The following RYR3 variants were observed in gnomAD, a reference collection of about 807,000 sequenced individuals.
RYR3 encodes the protein ryanodine receptor 3, also known as brain ryanodine receptor-calcium release channel.
A neutral mutation model predicts 584.3 loss-of-function variants in RYR3; 207 were observed. The observed-to-expected ratio is 0.35, with a 90% confidence interval of 0.32 to 0.40. The LOEUF (loss-of-function observed/expected upper bound fraction) is 0.40, where lower values mean the gene tolerates loss of function less well. Among genes scored for constraint, RYR3 ranks in the 10% least tolerant of loss-of-function variants. The probability of loss-of-function intolerance (pLI) is 1.00; values close to 1 mark genes in which losing one functional copy is unlikely to be tolerated. For synonymous variants in RYR3, 2,416 were observed against 2,248.5 expected, an observed-to-expected ratio of 1.07 and a Z score of -2.11; for missense variants, 5,616 against 6,089.2, an observed-to-expected ratio of 0.92 and a Z score of 2.59.
rs200913989 is a variant in RYR3 at position 33,699,270 on chromosome 15, CT to C, written c.6250-433del. ...TCTCTCTCTCCCCCCCTTTCTCTCTCTCCCCCCTCCTCACTCTCTCCTCTTT... is the reference window on the plus strand; with the variant it reads ...TCTCTCTCTCCCCCCCTTTCTCTCTCCCCCCCTCCTCACTCTCTCCTCTTT... On this transcript the variant is annotated intron_variant, in intron 40 of 103. Coordinates refer to ENST00000634891, the MANE Select transcript of RYR3 (RefSeq NM_001036.6). Among the ~76,000 whole-genome samples, 739 of 114,882 alleles carry C rather than the reference CT, an allele frequency of 6.4e-3. 6 individuals are homozygous for C. Among genetic ancestry groups the C allele is most frequent in the African/African-American group, 0.022 (680 of 30,288 alleles). 75.4% of individuals were successfully genotyped at this position (114,882 alleles called of 152,430 possible). A position where few individuals can be genotyped will look rare whatever the true frequency, so the allele number is the denominator to read the frequency against.
intron 1 of RYR3, among the ~76,000 whole-genome samples, chr15:33,395,175 A>G (rs919252538): frequency 1.3e-5 from 2 of 152,324 alleles, no homozygotes; most frequent in Admixed American, 6.5e-5. Flanking sequence ...TTAAAATTTG[A>G]TTGTGGAAAA....
At chr15:33,538,930 G>A (rs968889207) in intron 5 of RYR3, among the ~76,000 whole-genome samples, 5 of 151,784 alleles carry the variant, frequency 3.3e-5, no homozygotes, top group African/African-American at 1.2e-4. Flanking sequence ...CTTAGGACAG[G>A]GGGAGACAAA....
In RYR3 at chr15:33,744,427, C is replaced by T. The variant is rs76683990; in HGVS notation, c.7900-1641C>T. On this transcript the variant is annotated intron_variant, in intron 52 of 103. Transcript: ENST00000634891. ...ATACATGCTGCTCACCAGTACCAGG[C>T]GGCGCTGATTATCTCACAAGAAAAA... Among the ~76,000 whole-genome samples the T allele has an allele frequency of 2.0e-3, 299 of 152,262 alleles. 1 individual carries two copies. In the Middle Eastern group the frequency reaches 0.02, roughly 10 times the overall value.
intron 1 of RYR3, among the ~76,000 whole-genome samples, chr15:33,441,135 T>TCTAG (rs1343398755): frequency 6.6e-6 from 1 of 152,210 alleles, no homozygotes; most frequent in African/African-American, 2.4e-5. Context: ...TTGCCATCAT[T>TCTAG]CTAGGCAGGC....
intron 1 of RYR3, among the ~76,000 whole-genome samples, chr15:33,362,422 G>T (rs1004608838): frequency 7.2e-5 from 11 of 152,060 alleles, no homozygotes; most frequent in East Asian, 3.8e-4. Flanking sequence ...ATCAGCAGCA[G>T]CAGCAGCAGC....
At chr15:33,661,221 A>G (rs4780143) in intron 34 of RYR3, among the ~76,000 whole-genome samples, 141,214 of 151,802 alleles carry the variant, frequency 0.93, 65,910 homozygotes, top group Non-Finnish European at 0.97. Flanking sequence ...AGACTAAATG[A>G]AAAATCTAAG....
chr15:33,577,641 G>C (rs974396453), intron 12 of RYR3, among the ~76,000 whole-genome samples: 1 of 152,254 alleles, frequency 6.6e-6, no homozygotes, highest in South Asian at 2.1e-4. Context: ...AGACTTCAAT[G>C]TAAGACCCAA....
intron 90 of RYR3, 30 bp from the exon 91 acceptor site, chr15:33,841,834 C>A (rs747101958): frequency 1.9e-5 from 30 of 1,573,780 alleles, no homozygotes; most frequent in Middle Eastern, 3.4e-4. Context: ...CTCCCGTCTG[C>A]CCTGCTGAGT....
chr15:33,822,910 TG>T, intron 80 of RYR3, 85 bp from the exon 81 acceptor site: 1 of 1,051,054 alleles, frequency 9.5e-7, no homozygotes. Context: ...TCAGTGTGGC[TG>T]GGGATTTCTC....
chr15:33,535,265 G>A (rs945569413), intron 5 of RYR3, among the ~76,000 whole-genome samples: 3 of 152,196 alleles, frequency 2.0e-5, no homozygotes, highest in East Asian at 3.8e-4. Flanking sequence ...AAAAAATCCA[G>A]CATCCAAACC....
Position 33,838,608 on chromosome 15 carries a change from C to A in RYR3, c.12628C>A (p.Leu4210Ile), listed in dbSNP as rs1399246885. 2 of 1,613,902 alleles carry A rather than the reference C, an allele frequency of 1.2e-6. No homozygotes were observed. The highest frequency in any genetic ancestry group is 1.1e-5 in the South Asian group (1 of 91,072). ...CATCCTGGGAGGAATCTTTCAGATC[C>A]TCTGGAGCACAGTGTTTGGAGGGGG... ...FTILGGIFQI[L>I]WSTVFGGGLV... The change falls in exon 89 of 104, where the codon CTC (leucine) becomes ATC (isoleucine). Residue 4210 changes from leucine to isoleucine, a missense_variant. Physicochemically the swap from Leu to Ile is conservative, Grantham distance 5 (BLOSUM62 2). Coordinates refer to ENST00000634891, the MANE Select transcript of RYR3 (RefSeq NM_001036.6).
chr15:33,459,983 CTG>C (rs1441427707), intron 1 of RYR3, among the ~76,000 whole-genome samples: 2 of 152,198 alleles, frequency 1.3e-5, no homozygotes, highest in Non-Finnish European at 2.9e-5. Flanking sequence ...AATAAATTAA[CTG>C]TATCTCATAT....
chr15:33,644,512 A>C lies in RYR3; in HGVS notation c.3758A>C (p.His1253Pro), dbSNP rs2061992101. 6.2e-7 allele frequency: 1 copy of C among 1,612,840 alleles called. No homozygotes were observed. The highest frequency in any genetic ancestry group is 8.5e-7 in the Non-Finnish European group (1 of 1,179,162). ...GTCAACGTGCCAAAGGATCATCCAC[A>C]CATAGAGGTAATGTTACACAATGTG... ...TFVNVPKDHPHIEVMRIDGTM... is the reference protein window; with the variant it reads ...TFVNVPKDHPPIEVMRIDGTM... Residue 1253 changes from histidine to proline, a missense_variant, in exon 28 of 104, where the codon CAC (histidine) becomes CCC (proline). Around this residue, in one of 9 missense-constraint regions of RYR3, gnomAD observed 753 missense variants for 741.0 expected, o/e 1.02. Coordinates refer to ENST00000634891, the MANE Select transcript of RYR3 (RefSeq NM_001036.6).
At chr15:33,798,368 G>T (rs2075743054) in intron 67 of RYR3, among the ~76,000 whole-genome samples, 1 of 152,162 alleles carries the variant, frequency 6.6e-6, no homozygotes, top group African/African-American at 2.4e-5. Context: ...TGGGATTACA[G>T]GTGTGAGCCA....
chr15:33,799,945 T>C (rs933827838), intron 67 of RYR3, among the ~76,000 whole-genome samples: 2 of 151,796 alleles, frequency 1.3e-5, no homozygotes, highest in Admixed American at 1.3e-4. Context: ...TTTGTTTGTT[T>C]GTTTAGTTAC....
At chr15:33,636,623 G>T in intron 27 of RYR3, 73 bp downstream of exon 27, 2 of 1,322,970 alleles carry the variant, frequency 1.5e-6, no homozygotes, top group Admixed American at 2.3e-5. Context: ...TGAGCGACCT[G>T]CTCTACTTCC....
chr15:33,599,768 C>A (rs1193229995), intron 16 of RYR3, among the ~76,000 whole-genome samples: 2 of 152,212 alleles, frequency 1.3e-5, no homozygotes, highest in Admixed American at 1.3e-4. Context: ...CTCCATTCCC[C>A]AGTTTTACCT....
chr15:33,748,953 C>T (rs61609562), intron 55 of RYR3, among the ~76,000 whole-genome samples: 5,183 of 152,244 alleles, frequency 0.034, 274 homozygotes, highest in African/African-American at 0.12. Context: ...TAATTCCTAA[C>T]ACAATGTGAA....
intron 47 of RYR3, among the ~76,000 whole-genome samples, chr15:33,729,921 G>A (rs2068801349): frequency 6.6e-6 from 1 of 152,160 alleles, no homozygotes. Flanking sequence ...ACCTGCATGG[G>A]TTATCCAGAA....
Sources: allele counts gnomAD v4.1 joint callset (sites outside exome capture counted in the v4.1 genomes callset), GRCh38; gene constraint gnomAD v4.1.1; regional missense constraint gnomAD v4.1.1; transcripts MANE v1.5; gene names NCBI Gene and HGNC (gene_info 2026-07-23, HGNC 2026-07-21).